Variants in GRXCR1 observed in about 807,000 individuals in gnomAD.
GRXCR1 encodes the protein glutaredoxin and cysteine rich domain containing 1.
A neutral mutation model predicts 27.3 loss-of-function variants in GRXCR1; 27 were observed. The observed-to-expected ratio is 0.99, with a 90% CI of 0.73 to 1.37. GRXCR1 has a LOEUF of 1.37. Among genes scored for constraint, GRXCR1 ranks in the 40% most tolerant of loss-of-function variants. The pLI is 0.00. For synonymous variants in GRXCR1, 122 were observed against 131.1 expected (o/e 0.93, Z 0.47); for missense variants, 379 against 354.4 (o/e 1.07, Z -0.56).
At chr4:42,961,095 G>A (rs1748121476) in intron 1 of GRXCR1, among the ~76,000 whole-genome samples, 1 of 151,920 alleles carries the variant, frequency 6.6e-6, no homozygotes, top group African/African-American at 2.4e-5. Context: ...GTGAGAAGAT[G>A]TGGTGTTTGG....
intron 2 of GRXCR1, among the ~76,000 whole-genome samples, chr4:42,984,786 G>A (rs1263198085): frequency 6.6e-6 from 1 of 152,172 alleles, no homozygotes; most frequent in East Asian, 1.9e-4. Flanking sequence ...CAGAATCTGG[G>A]GCTGCTGAAG....
At chr4:43,002,107 C>G (rs1278143282) in intron 2 of GRXCR1, among the ~76,000 whole-genome samples, 4 of 152,226 alleles carry the variant, frequency 2.6e-5, no homozygotes, top group Admixed American at 6.5e-5. Flanking sequence ...GGGTTTTATA[C>G]TGAGACATTC....
intron 1 of GRXCR1, among the ~76,000 whole-genome samples, chr4:42,908,732 C>A (rs570510640): frequency 6.6e-6 from 1 of 151,920 alleles, no homozygotes; most frequent in African/African-American, 2.4e-5. Flanking sequence ...TGGTGGTGAG[C>A]GGAGAAAAAA....
At chr4:42,996,509 T>C (rs1712166425) in intron 2 of GRXCR1, among the ~76,000 whole-genome samples, 1 of 152,176 alleles carries the variant, frequency 6.6e-6, no homozygotes, top group African/African-American at 2.4e-5. Context: ...TATGTGGCCT[T>C]TTAGTTTGCA....
intron 2 of GRXCR1, among the ~76,000 whole-genome samples, chr4:42,999,457 A>C (rs1712279015): frequency 6.6e-6 from 1 of 152,220 alleles, no homozygotes; most frequent in Non-Finnish European, 1.5e-5. Context: ...TTGTCACTGC[A>C]CATACTGTCA....
intron 1 of GRXCR1, among the ~76,000 whole-genome samples, chr4:42,898,271 T>C (rs1577896546): frequency 6.6e-6 from 1 of 152,082 alleles, no homozygotes; most frequent in Non-Finnish European, 1.5e-5. Flanking sequence ...AGAAAGGTTT[T>C]TTTTTCTGCA....
intron 2 of GRXCR1, among the ~76,000 whole-genome samples, chr4:42,967,112 A>G (rs1052368375): frequency 1.3e-5 from 2 of 152,098 alleles, no homozygotes; most frequent in African/African-American, 4.8e-5. Flanking sequence ...GTTGTATCTA[A>G]CAAATCATCA....
intron 2 of GRXCR1, among the ~76,000 whole-genome samples, chr4:42,978,291 G>A (rs1324599608): frequency 3.3e-5 from 5 of 151,856 alleles, no homozygotes; most frequent in African/African-American, 1.2e-4. Flanking sequence ...AGCTATTTGG[G>A]GTACTTTGTC....
intron 1 of GRXCR1, among the ~76,000 whole-genome samples, chr4:42,913,835 C>T (rs1171381523): frequency 6.6e-6 from 1 of 152,134 alleles, no homozygotes; most frequent in Non-Finnish European, 1.5e-5. Flanking sequence ...GGACATTGTG[C>T]CCTGCATCCC....
At chr4:42,917,699 C>G (rs1279295724) in intron 1 of GRXCR1, among the ~76,000 whole-genome samples, 1 of 152,050 alleles carries the variant, frequency 6.6e-6, no homozygotes, top group Non-Finnish European at 1.5e-5. Flanking sequence ...AGAAGCTGCC[C>G]TGGCAGAAAG....
At chr4:42,919,509 G>T (rs977031856) in intron 1 of GRXCR1, among the ~76,000 whole-genome samples, 4 of 152,066 alleles carry the variant, frequency 2.6e-5, no homozygotes, top group African/African-American at 9.7e-5. Flanking sequence ...TTCCTTTCCA[G>T]GATAAATCTG....
intron 2 of GRXCR1, among the ~76,000 whole-genome samples, chr4:42,977,883 A>C (rs536468989): frequency 1.3e-5 from 2 of 151,934 alleles, no homozygotes; most frequent in Admixed American, 6.6e-5. Flanking sequence ...TATTGCCCAG[A>C]CTGTTGTGGA....
intron 1 of GRXCR1, among the ~76,000 whole-genome samples, chr4:42,941,526 G>GT (rs1403537958): frequency 5.3e-5 from 8 of 151,828 alleles, no homozygotes; most frequent in Admixed American, 6.6e-5. Flanking sequence ...TCCCACATTT[G>GT]TTTTTCAGCT....
intron 3 of GRXCR1, among the ~76,000 whole-genome samples, chr4:43,021,747 T>A (rs1713099261): frequency 6.6e-6 from 1 of 152,194 alleles, no homozygotes; most frequent in Non-Finnish European, 1.5e-5. Flanking sequence ...TGCTTGGGCT[T>A]TAGCAAAATA....
intron 3 of GRXCR1, among the ~76,000 whole-genome samples, chr4:43,024,197 C>CTTTTTTTTTTTTTTTTTT (rs60704333): frequency 2.1e-5 from 2 of 94,238 alleles, no homozygotes; most frequent in Non-Finnish European, 3.9e-5. Flanking sequence ...ATTTTCTGTC[C>CTTTTTTTTTTTTTTTTTT]TTTTTTTTTT....
At chr4:42,908,629 A>C (rs1418523351) in intron 1 of GRXCR1, among the ~76,000 whole-genome samples, 1 of 152,158 alleles carries the variant, frequency 6.6e-6, no homozygotes, top group African/African-American at 2.4e-5. Context: ...TTATAAATGG[A>C]TTCTAAAACC....
chr4:43,027,585 A>C (rs1713296678), intron 3 of GRXCR1, among the ~76,000 whole-genome samples: 1 of 152,228 alleles, frequency 6.6e-6, no homozygotes, highest in South Asian at 2.1e-4. Context: ...GAAGTGCCAC[A>C]CATAGACAAG....
intron 2 of GRXCR1, among the ~76,000 whole-genome samples, chr4:42,976,413 T>A (rs1410551778): frequency 6.6e-6 from 1 of 152,114 alleles, no homozygotes; most frequent in African/African-American, 2.4e-5. Flanking sequence ...ATGTTTTATA[T>A]CTTTAAAAGA....
chr4:42,921,238 C>T (rs374918681), intron 1 of GRXCR1, among the ~76,000 whole-genome samples: 6 of 152,032 alleles, frequency 3.9e-5, no homozygotes, highest in Non-Finnish European at 7.4e-5. Context: ...CTACAAGTAA[C>T]GGTCCCTCAC....
Sources: gnomAD v4.1 joint callset for allele counts (sites outside exome capture counted in the v4.1 genomes callset) on GRCh38, gnomAD v4.1.1 for gene constraint, MANE v1.5 for transcripts, NCBI Gene and HGNC (gene_info 2026-07-23, HGNC 2026-07-21) for gene names.